Variants in TNC observed in about 807,000 individuals in gnomAD.
TNC encodes the protein tenascin C.
In TNC, 109 loss-of-function variants were observed where a neutral mutation model predicts 202.4. That is an observed-to-expected ratio of 0.54 (90% CI 0.46 to 0.63). The LOEUF is 0.63. Among genes scored for constraint, TNC ranks in the 30% least tolerant of loss-of-function variants. TNC has a pLI of 0.00. For missense variants in TNC, 2,756 were observed against 2,833.3 expected (o/e 0.97, Z 0.62); for synonymous variants, 1,007 against 1,089.7 (o/e 0.92, Z 1.50).
intron 25 of TNC, among the ~76,000 whole-genome samples, chr9:115,027,119 A>AG (rs1554788113): frequency 7.0e-6 from 1 of 142,478 alleles, no homozygotes; most frequent in Non-Finnish European, 1.5e-5. Flanking sequence ...AGAAAGCAAA[A>AG]AAAAAAAAAA....
intron 10 of TNC, among the ~76,000 whole-genome samples, chr9:115,071,561 C>T (rs756753654): frequency 3.9e-5 from 6 of 152,266 alleles, no homozygotes; most frequent in South Asian, 2.1e-4. Flanking sequence ...TCAGTGACTG[C>T]GCAGGTGTGA....
intron 14 of TNC, 84 bp downstream of exon 14, chr9:115,059,646 G>T: frequency 7.2e-7 from 1 of 1,391,014 alleles, no homozygotes; most frequent in Non-Finnish European, 9.8e-7. Flanking sequence ...ATTCAGTTAT[G>T]GCGAGATGCT....
chr9:115,074,587 C>T (rs1379246406), intron 9 of TNC, among the ~76,000 whole-genome samples: 1 of 152,146 alleles, frequency 6.6e-6, no homozygotes, highest in East Asian at 1.9e-4. Flanking sequence ...TGTAGGATCC[C>T]ATTTATGCAG....
rs759894082 is a variant in TNC at position 115,059,752 on chromosome 9, T to G, written c.4284A>C (p.Val1428=). 4.3e-6 allele frequency: 7 copies of G among 1,611,148 alleles called. No homozygotes were observed. Among genetic ancestry groups the G allele is most frequent in the Non-Finnish European group, 5.9e-6 (7 of 1,178,098 alleles). Residue 1428 remains valine (V), a synonymous_variant, in exon 14 of 28, where the codon GTA becomes GTC. Transcript: ENST00000350763. The stretch of plus-strand genomic sequence containing the variant: ...TACCTGTGGAGGCCTCAGCAGAGAG[T>G]ACTGGTGTTCTATAGCCCCGGATCA... ...YGVIRGYRTP[V]LSAEASTAKE...
intron 1 of TNC, among the ~76,000 whole-genome samples, chr9:115,098,750 C>T (rs970927176): frequency 6.6e-6 from 1 of 152,030 alleles, no homozygotes; most frequent in Non-Finnish European, 1.5e-5. Context: ...CAGCTTACAC[C>T]AAATTTTTCT....
rs748028027 is a variant in TNC, at chr9:115,036,135, G to A, written c.5619C>T (p.Pro1873=). Residue 1873 remains proline, a synonymous_variant, in exon 21 of 28, where the codon CCC becomes CCT. Coordinates refer to ENST00000350763, the MANE Select transcript of TNC (RefSeq NM_002160.4). ...YTLRIFAEKG[P]QKSSTITAKF... ...TGGCAGTGATGGTTGAGCTCTTCTG[G>A]GGCCCTTTCTCTGCAAAGATTCTCA... The A allele has an allele frequency of 6.2e-7, 1 of 1,614,118 alleles. No homozygotes were observed. Among genetic ancestry groups the A allele is most frequent in the Non-Finnish European group, 8.5e-7 (1 of 1,180,000 alleles).
At chr9:115,050,498 T>C (rs1556220) in intron 15 of TNC, among the ~76,000 whole-genome samples, 9,109 of 152,228 alleles carry the variant, frequency 0.06, 379 homozygotes, top group East Asian at 0.11. Context: ...GAAATTACCA[T>C]GTTCTGCATT....
intron 1 of TNC, among the ~76,000 whole-genome samples, chr9:115,114,349 T>C (rs1043854310): frequency 1.3e-5 from 2 of 152,232 alleles, no homozygotes; most frequent in Non-Finnish European, 2.9e-5. Flanking sequence ...TGTCCTGGGA[T>C]TCATGGCCCC....
chr9:115,061,112 A>C (rs1389299704), intron 13 of TNC, among the ~76,000 whole-genome samples: 1 of 152,208 alleles, frequency 6.6e-6, no homozygotes, highest in African/African-American at 2.4e-5. Context: ...TTGAAGGCTG[A>C]AGTGGCCATG....
intron 10 of TNC, among the ~76,000 whole-genome samples, chr9:115,068,607 C>T (rs1236709234): frequency 6.6e-6 from 1 of 152,174 alleles, no homozygotes; most frequent in Non-Finnish European, 1.5e-5. Flanking sequence ...TCGGTGATTT[C>T]TTTGTAACTG....
rs1208677287 is a variant in TNC at position 115,030,421 on chromosome 9, A to G, written c.5921-16T>C. The G allele has an allele frequency of 6.2e-7, 1 of 1,608,018 alleles. No individual in the cohort carries two copies. The highest frequency in any genetic ancestry group is 1.1e-5 in the South Asian group (1 of 90,392). ...AGGAGTCCAACTGTGGAATAAGGAG[A>G]AATGGTGATGCTCTCAGTGCAGGAG... is the stretch of plus-strand genomic sequence containing the variant. On this transcript the variant is annotated splice_polypyrimidine_tract_variant and intron_variant, in intron 23 of 27. Transcript: ENST00000350763.
intron 22 of TNC, 31 bp downstream of exon 22, chr9:115,035,173 G>T: frequency 6.4e-7 from 1 of 1,573,538 alleles, no homozygotes; most frequent in Non-Finnish European, 8.6e-7. Context: ...GCTTCAACTA[G>T]CATTGAGGAG....
intron 1 of TNC, among the ~76,000 whole-genome samples, chr9:115,094,815 C>G (rs867790554): frequency 1.6e-5 from 2 of 125,230 alleles, no homozygotes; most frequent in Admixed American, 8.0e-5. Context: ...GAACAAGTGC[C>G]TCTGTGTGTG....
At chr9:115,096,564 C>G (rs1441967008) in intron 1 of TNC, among the ~76,000 whole-genome samples, 1 of 152,166 alleles carries the variant, frequency 6.6e-6, no homozygotes, top group Non-Finnish European at 1.5e-5. Context: ...AAGAAAGTTT[C>G]AATGTTGTTA....
intron 15 of TNC, among the ~76,000 whole-genome samples, chr9:115,051,556 C>A (rs1199067495): frequency 7.5e-6 from 1 of 133,508 alleles, no homozygotes; most frequent in East Asian, 2.1e-4. Context: ...TTTTTTCTGA[C>A]AGTACTGGTA....
chr9:115,038,473 T>C (rs951848286), intron 19 of TNC, 93 bp from the exon 20 acceptor site: 36 of 1,482,422 alleles, frequency 2.4e-5, no homozygotes, highest in East Asian at 1.4e-4. Context: ...GGAGTCCTGA[T>C]GTTAGGACAG....
Position 115,086,458 on chromosome 9 carries a change from A to G in TNC, c.1273T>C (p.Cys425Arg). 1 of 1,613,922 alleles carries G rather than the reference A, an allele frequency of 6.2e-7. No individual in the cohort carries two copies. Among genetic ancestry groups the G allele is most frequent in the South Asian group, 1.1e-5 (1 of 91,082 alleles). ...HGRCVNGQCV[C>R]DEGYTGEDCS... ...TCCTCCCCAGTATAGCCCTCATCAC[A>G]CACACACTGCCCATTGACACAGCGG... is the stretch of plus-strand genomic sequence containing the variant. Residue 425 changes from cysteine (C) to arginine (R), a missense_variant, in exon 3 of 28, where the codon TGT (cysteine) becomes CGT (arginine). Around this residue, in one of 2 missense-constraint regions of TNC, gnomAD observed 2,559 missense variants for 2,546.0 expected, o/e 1.01. Transcript: ENST00000350763.
At chr9:115,038,479 G>T in intron 19 of TNC, 99 bp from the exon 20 acceptor site, 1 of 1,457,304 alleles carries the variant, frequency 6.9e-7, no homozygotes, top group Non-Finnish European at 9.2e-7. Context: ...CTGATGTTAG[G>T]ACAGTGTCAG....
At chr9:115,077,859 C>T (rs2133201048) in intron 7 of TNC, 84 bp downstream of exon 7, 1 of 1,436,812 alleles carries the variant, frequency 7.0e-7, no homozygotes, top group East Asian at 2.3e-5. Context: ...TAAAATGAGC[C>T]TGGAAGATAC....
Sources: gnomAD v4.1 joint callset for allele counts (sites outside exome capture counted in the v4.1 genomes callset) on GRCh38, gnomAD v4.1.1 for gene constraint, gnomAD v4.1.1 regional missense constraint, MANE v1.5 for transcripts, NCBI Gene and HGNC (gene_info 2026-07-23, HGNC 2026-07-21) for gene names.